PPP2R3C: variants seen among roughly 807,000 people sequenced by gnomAD.
The protein encoded by PPP2R3C is protein phosphatase 2 regulatory subunit B''gamma, also known as serine/threonine-protein phosphatase 2A regulatory subunit B'' subunit gamma.
A neutral mutation model predicts 63.7 loss-of-function variants in PPP2R3C; 47 were observed. The observed-to-expected ratio is 0.74, with a 90% CI of 0.58 to 0.94. The LOEUF is 0.94. Ranked by LOEUF, PPP2R3C falls within the 40% of genes least tolerant of loss-of-function variation. The pLI, the probability that PPP2R3C is intolerant of heterozygous loss-of-function variation, is 0.00. For missense variants in PPP2R3C, 421 were observed against 518.4 expected, an observed-to-expected ratio of 0.81 and a Z score of 1.82; for synonymous variants, 180 against 177.4, an observed-to-expected ratio of 1.01 and a Z score of -0.12.
intron 6 of PPP2R3C, among the ~76,000 whole-genome samples, chr14:35,104,997 G>C (rs1289490289): frequency 6.6e-6 from 1 of 150,974 alleles, no homozygotes; most frequent in Non-Finnish European, 1.5e-5. Context: ...ACCTCCCAAA[G>C]TGCTGGGATT....
At chr14:35,108,606 C>T (rs1434279593) in intron 4 of PPP2R3C, among the ~76,000 whole-genome samples, 1 of 151,690 alleles carries the variant, frequency 6.6e-6, no homozygotes, top group Non-Finnish European at 1.5e-5. Context: ...TTGGCCCAGC[C>T]AATATTTGAG....
At position 35,097,482 on chromosome 14, in the gene PPP2R3C, CTTTT is replaced by C. The variant is rs988302767; in HGVS notation, c.707-722_707-719del. The stretch of plus-strand genomic sequence containing the variant: ...GAGTTTGTTTTGTCTTGTTCTTGTT[CTTTT>C]TTTTTTTTTTTTTGAGACAGAGTTT... On this transcript the variant is annotated intron_variant, in intron 7 of 12. Coordinates refer to ENST00000261475, the MANE Select transcript of PPP2R3C (RefSeq NM_017917.4). Among the ~76,000 whole-genome samples the C allele has an allele frequency of 2.8e-3, 374 of 133,734 alleles. 1 individual carries two copies. The highest frequency in any genetic ancestry group is 9.0e-3 in the African/African-American group (330 of 36,490). 87.7% of individuals were successfully genotyped at this position (133,734 alleles called of 152,430 possible).
rs192135602 is a variant in PPP2R3C, at chr14:35,085,508, C to A, written c.*82G>T. 1.9e-4 allele frequency: 240 copies of A among 1,275,792 alleles called. 1 individual carries two copies. Among genetic ancestry groups the A allele is most frequent in the Middle Eastern group, 1.4e-3 (7 of 5,154 alleles). The allele number at this position is 1,275,792 out of a possible 1,614,324, so 79.0% of individuals were successfully genotyped here. On this transcript the variant is annotated 3_prime_UTR_variant, in exon 13 of 13. Transcript: ENST00000261475. ...GGCATATCAAGTGTTTTATTTAGAC[C>A]ATTTCTGAGGATTTTGCTTTAAAGG... is the stretch of plus-strand genomic sequence containing the variant.
At chr14:35,090,526 A>G (rs1347344024) in intron 11 of PPP2R3C, among the ~76,000 whole-genome samples, 1 of 152,102 alleles carries the variant, frequency 6.6e-6, no homozygotes, top group South Asian at 2.1e-4. Context: ...AAAAATAAAT[A>G]AAAATCACGA....
intron 7 of PPP2R3C, among the ~76,000 whole-genome samples, chr14:35,097,134 G>C (rs978421677): frequency 1.3e-5 from 2 of 152,030 alleles, no homozygotes; most frequent in Non-Finnish European, 2.9e-5. Flanking sequence ...AGAATCGCTT[G>C]AACCTGGGAG....
chr14:35,092,982 G>A (rs767047235), intron 10 of PPP2R3C, among the ~76,000 whole-genome samples: 7 of 151,992 alleles, frequency 4.6e-5, no homozygotes, highest in African/African-American at 1.2e-4. Flanking sequence ...GGGCCGAGGC[G>A]GGCAGATCAG....
At chr14:35,114,790 C>T (rs924714174) in intron 2 of PPP2R3C, among the ~76,000 whole-genome samples, 5 of 152,010 alleles carry the variant, frequency 3.3e-5, no homozygotes, top group African/African-American at 1.2e-4. Flanking sequence ...ATCAGGAGTA[C>T]GAGACCAGCC....
intron 7 of PPP2R3C, chr14:35,098,989 C>T (rs1238886800): frequency 1.0e-5 from 3 of 290,940 alleles, no homozygotes; most frequent in Non-Finnish European, 6.2e-6. Flanking sequence ...CCAGTTCATA[C>T]TTCTTCACTG....
intron 2 of PPP2R3C, among the ~76,000 whole-genome samples, chr14:35,116,228 C>A (rs1340012691): frequency 6.6e-6 from 1 of 151,122 alleles, no homozygotes; most frequent in African/African-American, 2.4e-5. Context: ...ACATAAAATT[C>A]TGGTCCTATT....
chr14:35,118,154 C>G (rs1218501273), intron 1 of PPP2R3C, among the ~76,000 whole-genome samples: 1 of 152,112 alleles, frequency 6.6e-6, no homozygotes, highest in Non-Finnish European at 1.5e-5. Context: ...TCTTGACAAG[C>G]AGGAATTCGA....
chr14:35,109,066 T>A (rs2046457016), intron 4 of PPP2R3C, among the ~76,000 whole-genome samples: 1 of 151,954 alleles, frequency 6.6e-6, no homozygotes, highest in African/African-American at 2.4e-5. Flanking sequence ...ATTATTTCTT[T>A]TTTTTTTTTG....
chr14:35,114,400 GA>G (rs2046649485), intron 2 of PPP2R3C, among the ~76,000 whole-genome samples: 1 of 152,078 alleles, frequency 6.6e-6, no homozygotes, highest in Non-Finnish European at 1.5e-5. Context: ...ATGTTCGGTT[GA>G]AAAAAATTTG....
At chr14:35,096,667 C>A (rs80012713) in intron 8 of PPP2R3C, 34 bp from the exon 9 acceptor site, 157,453 of 1,609,232 alleles carry the variant, frequency 0.098, 8,621 homozygotes, top group Middle Eastern at 0.11. Flanking sequence ...TAGAAGATAG[C>A]AACTGTCAAG....
At chr14:35,117,216 C>T (rs1467684987) in intron 1 of PPP2R3C, 1 of 454,530 alleles carries the variant, frequency 2.2e-6, no homozygotes, top group South Asian at 1.6e-5. Flanking sequence ...CATCCTCTGT[C>T]TGAAGCTCAA....
At chr14:35,089,994 A>G (rs1046945453) in intron 11 of PPP2R3C, among the ~76,000 whole-genome samples, 1 of 152,144 alleles carries the variant, frequency 6.6e-6, no homozygotes, top group African/African-American at 2.4e-5. Flanking sequence ...AAGCATTTAC[A>G]TAACAGATTT....
rs1595111951 is a variant in PPP2R3C, at chr14:35,107,288, T to C, written c.573+16A>G. 6.4e-7 allele frequency: 1 copy of C among 1,555,148 alleles called. No homozygotes were observed. On this transcript the variant is annotated intron_variant, in intron 6 of 12. Coordinates refer to ENST00000261475, the MANE Select transcript of PPP2R3C (RefSeq NM_017917.4). ...TCTATAAGAGTTAATATAATATCTA[T>C]AAGGTTAACACTTACAGATTCCCGA...
intron 1 of PPP2R3C, among the ~76,000 whole-genome samples, chr14:35,121,301 CG>C (rs1289311920): frequency 6.6e-6 from 1 of 151,978 alleles, no homozygotes; most frequent in African/African-American, 2.4e-5. Context: ...CGCTTGAACC[CG>C]GGAGGCAGAG....
chr14:35,110,592 C>CTTAA lies in PPP2R3C; in HGVS notation c.220_223dup (p.Arg75IlefsTer20). On this transcript the variant is annotated frameshift_variant, in exon 3 of 13. Transcript: ENST00000261475. LOFTEE classifies it high-confidence loss of function. ...TAGAAAGACAGCTCTTGATTCCTCT[C>CTTAA]TTAATTTCTGTAGTAAGACTTCATC... is the stretch of plus-strand genomic sequence containing the variant. 2.5e-6 allele frequency: 4 copies of CTTAA among 1,612,196 alleles called. No individual in the cohort carries two copies. The highest frequency in any genetic ancestry group is 3.4e-6 in the Non-Finnish European group (4 of 1,179,524).
chr14:35,090,167 G>A (rs902853865), intron 11 of PPP2R3C, among the ~76,000 whole-genome samples: 1 of 150,524 alleles, frequency 6.6e-6, no homozygotes, highest in African/African-American at 2.4e-5. Context: ...TGAAAAACTT[G>A]TAAGATGCTA....
Sources: allele counts gnomAD v4.1 joint callset (sites outside exome capture counted in the v4.1 genomes callset), GRCh38; gene constraint gnomAD v4.1.1; transcripts MANE v1.5; gene names NCBI Gene and HGNC (gene_info 2026-07-23, HGNC 2026-07-21).